The following UGT3A1 variants were observed in gnomAD, a reference collection of about 807,000 sequenced individuals.
The protein encoded by UGT3A1 is UDP glycosyltransferase family 3 member A1, also known as UDP-glycosyltransferase 3A1.
A neutral mutation model predicts 37.6 loss-of-function variants in UGT3A1; 40 were observed. The observed-to-expected ratio is 1.06, with a 90% CI of 0.83 to 1.38. The LOEUF (loss-of-function observed/expected upper bound fraction) is 1.38. UGT3A1 is among the 40% of genes most tolerant of loss of function. The pLI is 0.00. For missense variants in UGT3A1, 642 were observed against 634.2 expected (o/e 1.01, Z -0.13); for synonymous variants, 256 against 232.3 (o/e 1.10, Z -0.93).
At chr5:35,956,482 T>C (rs1458869116) in intron 5 of UGT3A1, among the ~76,000 whole-genome samples, 2 of 152,222 alleles carry the variant, frequency 1.3e-5, no homozygotes, top group African/African-American at 4.8e-5. Context: ...TATCTTAATT[T>C]ACCAAGCTGA....
chr5:35,985,079 T>TAAAAAAAAA (rs59401195), intron 2 of UGT3A1, among the ~76,000 whole-genome samples: 35 of 115,992 alleles, frequency 3.0e-4, no homozygotes, highest in East Asian at 1.4e-3. Context: ...ACATAAAATA[T>TAAAAAAAAA]AAAAAAAAAA....
At chr5:35,971,303 C>T (rs897425095) in intron 2 of UGT3A1, among the ~76,000 whole-genome samples, 10 of 152,192 alleles carry the variant, frequency 6.6e-5, no homozygotes, top group African/African-American at 2.4e-4. Flanking sequence ...CATTGCCACA[C>T]ACAAAGTAGA....
chr5:35,954,597 T>C (rs1739283905), intron 6 of UGT3A1, 119 bp from the exon 7 acceptor site: 2 of 1,310,456 alleles, frequency 1.5e-6, no homozygotes, highest in African/African-American at 1.5e-5. Context: ...GCACCAAGGC[T>C]GGGCTGCAAA....
chr5:35,956,715 T>C (rs1739369519), intron 5 of UGT3A1, among the ~76,000 whole-genome samples: 1 of 152,218 alleles, frequency 6.6e-6, no homozygotes, highest in Non-Finnish European at 1.5e-5. Flanking sequence ...TATGAGTCTT[T>C]CACATCCTTA....
chr5:35,970,607 C>A (rs1166857082), intron 2 of UGT3A1, among the ~76,000 whole-genome samples: 1 of 152,144 alleles, frequency 6.6e-6, no homozygotes, highest in Non-Finnish European at 1.5e-5. Context: ...GCATTCTGGG[C>A]ATGGCTACTC....
At chr5:35,958,012 A>G (rs1163600374) in intron 4 of UGT3A1, among the ~76,000 whole-genome samples, 3 of 152,286 alleles carry the variant, frequency 2.0e-5, no homozygotes, top group Middle Eastern at 3.4e-3. Flanking sequence ...TTTCATCCTC[A>G]ATTCCATCAA....
intron 5 of UGT3A1, among the ~76,000 whole-genome samples, chr5:35,956,438 C>G (rs946482298): frequency 3.9e-5 from 6 of 152,140 alleles, no homozygotes; most frequent in Non-Finnish European, 5.9e-5. Flanking sequence ...TTTTCCTTGT[C>G]CCATGTCTTA....
chr5:35,979,870 G>A (rs1740448575), intron 2 of UGT3A1, among the ~76,000 whole-genome samples: 1 of 152,210 alleles, frequency 6.6e-6, no homozygotes, highest in South Asian at 2.1e-4. Flanking sequence ...GAAGGCAGAA[G>A]GCATGTCTTA....
At chr5:35,955,463 C>T in intron 6 of UGT3A1, 182 bp downstream of exon 6, 1 of 682,446 alleles carries the variant, frequency 1.5e-6, no homozygotes, top group African/African-American at 1.8e-5. Flanking sequence ...TTCTCAGCAT[C>T]TAACCTAAAT....
chr5:35,994,195 T>A (rs534031186), upstream of UGT3A1, among the ~76,000 whole-genome samples: 3 of 152,310 alleles, frequency 2.0e-5, no homozygotes, highest in African/African-American at 4.8e-5. Context: ...TTTAAATGAC[T>A]AAAATTAGCA....
At chr5:35,975,662 ATT>A in intron 2 of UGT3A1, among the ~76,000 whole-genome samples, 1 of 148,578 alleles carries the variant, frequency 6.7e-6, no homozygotes, top group South Asian at 2.1e-4. Flanking sequence ...ACAGTGAAGC[ATT>A]TTTTTTTTTA....
At chr5:35,960,527 G>A (rs894878935) in intron 4 of UGT3A1, among the ~76,000 whole-genome samples, 5 of 152,206 alleles carry the variant, frequency 3.3e-5, no homozygotes, top group Admixed American at 6.5e-5. Context: ...GCATGCAGAC[G>A]GGCAGGTGCA....
chr5:35,962,375 G>A (rs1050363034), intron 4 of UGT3A1: 3 of 153,414 alleles, frequency 2.0e-5, no homozygotes, highest in African/African-American at 7.2e-5. Context: ...GTTGGAAGAG[G>A]AGGAGTGAGA....
Position 35,965,851 on chromosome 5 carries a change from G to C in UGT3A1, c.378C>G (p.Ser126Arg). The change falls in exon 4 of 7, where the codon AGC becomes AGG. Residue 126 changes from serine (S) to arginine (R), a missense_variant. Physicochemically the swap from Ser to Arg is moderately radical, Grantham distance 110. Coordinates refer to ENST00000274278, the MANE Select transcript of UGT3A1 (RefSeq NM_152404.4). ...IFGTQCSYLL[S>R]RKDIMDSLKN... The stretch of plus-strand genomic sequence containing the variant: ...TTAAGGAATCCATTATATCCTTTCT[G>C]CTTAGCAAATAACTACATTGAGTCC... 6.2e-7 allele frequency: 1 copy of C among 1,610,372 alleles called. No homozygotes were observed. The highest frequency in any genetic ancestry group is 1.3e-5 in the African/African-American group (1 of 74,872).
chr5:35,994,333 T>TGTGTGTGTG (rs1741042045), upstream of UGT3A1, among the ~76,000 whole-genome samples: 1 of 138,554 alleles, frequency 7.2e-6, no homozygotes, highest in Non-Finnish European at 1.6e-5. Context: ...TTTGTTTTGT[T>TGTGTGTGTG]TGTGTGTGTG....
At chr5:35,976,327 A>C (rs1246590665) in intron 2 of UGT3A1, among the ~76,000 whole-genome samples, 1 of 152,192 alleles carries the variant, frequency 6.6e-6, no homozygotes, top group Non-Finnish European at 1.5e-5. Context: ...GCATTATAGA[A>C]GATCTCTTAG....
chr5:35,974,914 T>C (rs1740201036), intron 2 of UGT3A1, among the ~76,000 whole-genome samples: 1 of 152,208 alleles, frequency 6.6e-6, no homozygotes, highest in African/African-American at 2.4e-5. Context: ...GCGTTGCCTA[T>C]GGCCAATGGT....
chr5:35,989,709 A>G (rs1740860682), intron 1 of UGT3A1, among the ~76,000 whole-genome samples: 1 of 152,178 alleles, frequency 6.6e-6, no homozygotes, highest in Non-Finnish European at 1.5e-5. Context: ...GGATTCAGAA[A>G]CGACACCAGC....
intron 4 of UGT3A1, among the ~76,000 whole-genome samples, chr5:35,959,807 C>T (rs577992338): frequency 1.3e-4 from 20 of 152,192 alleles, no homozygotes; most frequent in African/African-American, 4.6e-4. Context: ...TACACACACA[C>T]ACACTAAAGA....
Sources: allele counts gnomAD v4.1 joint callset (sites outside exome capture counted in the v4.1 genomes callset), GRCh38; gene constraint gnomAD v4.1.1; transcripts MANE v1.5; gene names NCBI Gene and HGNC (gene_info 2026-07-23, HGNC 2026-07-21).